CCSER1: variants seen among roughly 807,000 people sequenced by gnomAD.
CCSER1 encodes the protein serine-rich coiled-coil domain-containing protein 1.
CCSER1 carries 41 observed loss-of-function variants against 82.0 expected under a neutral mutation model. The observed-to-expected ratio is 0.50, with a 90% CI of 0.39 to 0.65. CCSER1 has a LOEUF of 0.65. CCSER1 is among the 30% of genes least tolerant of loss of function. CCSER1 has a pLI of 0.00. For synonymous variants in CCSER1, 414 were observed against 383.9 expected (o/e 1.08, Z -0.92); for missense variants, 1,119 against 1,064.2 (o/e 1.05, Z -0.72).
intron 3 of CCSER1, among the ~76,000 whole-genome samples, chr4:90,347,343 A>ATCTATCTG (rs1554009063): frequency 2.6e-5 from 4 of 151,944 alleles, no homozygotes; most frequent in African/African-American, 9.7e-5. Flanking sequence ...CTATCTATCT[A>ATCTATCTG]TCTATCTATA....
chr4:90,413,380 C>A (rs1311080848), intron 4 of CCSER1, among the ~76,000 whole-genome samples: 1 of 152,096 alleles, frequency 6.6e-6, no homozygotes, highest in Non-Finnish European at 1.5e-5. Context: ...CTGCTATAAG[C>A]AATCTACAAA....
intron 3 of CCSER1, among the ~76,000 whole-genome samples, chr4:90,351,060 CAA>C (rs1333240199): frequency 6.6e-6 from 1 of 152,004 alleles, no homozygotes; most frequent in East Asian, 1.9e-4. Flanking sequence ...GGAAAAATAA[CAA>C]GAGGGCACTA....
intron 10 of CCSER1, among the ~76,000 whole-genome samples, chr4:91,355,683 G>A (rs556423995): frequency 5.9e-5 from 9 of 152,142 alleles, no homozygotes; most frequent in South Asian, 2.1e-4. Context: ...CTGATGCATC[G>A]GCCATGCGTG....
intron 5 of CCSER1, among the ~76,000 whole-genome samples, chr4:90,536,226 G>T (rs1337223063): frequency 6.6e-6 from 1 of 151,902 alleles, no homozygotes; most frequent in East Asian, 1.9e-4. Flanking sequence ...TAGAGATGGG[G>T]TTTTGCCGTG....
Position 90,684,043 on chromosome 4 carries a change from G to T in CCSER1, c.1933-39871G>T, listed in dbSNP as rs76403563. On this transcript the variant is annotated intron_variant, in intron 6 of 10. Coordinates refer to ENST00000509176, the MANE Select transcript of CCSER1 (RefSeq NM_001145065.2). ...GTTTGTACTCTAGAGAATGCTCTGA[G>T]GTTGATTGAGTTGTGTTTTGAATTA... Among the ~76,000 whole-genome samples, 1,174 of 152,198 alleles carry T rather than the reference G, an allele frequency of 7.7e-3. 26 individuals carry two copies. The East Asian group carries it at 0.09, about 12-fold the overall frequency.
chr4:90,548,749 T>TATATATATATAC (rs950440676), intron 5 of CCSER1, among the ~76,000 whole-genome samples: 2 of 147,764 alleles, frequency 1.4e-5, no homozygotes, highest in African/African-American at 5.0e-5. Flanking sequence ...TATATATATA[T>TATATATATATAC]ACACACACAC....
chr4:91,423,695 T>A (rs1292610203), intron 10 of CCSER1, among the ~76,000 whole-genome samples: 1 of 152,146 alleles, frequency 6.6e-6, no homozygotes, highest in East Asian at 1.9e-4. Context: ...TCCCCCTATC[T>A]ACTTATCTTA....
At chr4:91,303,856 T>A (rs1348642095) in intron 10 of CCSER1, among the ~76,000 whole-genome samples, 2 of 151,704 alleles carry the variant, frequency 1.3e-5, no homozygotes, top group Non-Finnish European at 2.9e-5. Context: ...CAGGATAAAA[T>A]AAAAATTGTA....
chr4:91,174,593 C>A (rs138256304), intron 10 of CCSER1, among the ~76,000 whole-genome samples: 1,532 of 152,114 alleles, frequency 0.01, 12 homozygotes, highest in African/African-American at 0.025. Context: ...GGTATTTGGA[C>A]AAACATTTTT....
chr4:90,685,356 C>G (rs1276377579), intron 6 of CCSER1, among the ~76,000 whole-genome samples: 1 of 152,036 alleles, frequency 6.6e-6, no homozygotes, highest in Admixed American at 6.6e-5. Flanking sequence ...TTTCCTGTGA[C>G]CCTGGTAGAT....
intron 10 of CCSER1, among the ~76,000 whole-genome samples, chr4:91,123,091 C>T (rs149006363): frequency 1.0e-3 from 153 of 151,698 alleles, no homozygotes; most frequent in African/African-American, 3.4e-3. Flanking sequence ...CATGCTTGTT[C>T]AATGATACCT....
chr4:90,878,461 A>G (rs1298377293), intron 8 of CCSER1, among the ~76,000 whole-genome samples: 1 of 152,168 alleles, frequency 6.6e-6, no homozygotes, highest in Non-Finnish European at 1.5e-5. Flanking sequence ...CTTTTAGATT[A>G]ATAGGTCTTT....
chr4:91,252,108 C>A (rs1171961430), intron 10 of CCSER1, among the ~76,000 whole-genome samples: 1 of 152,018 alleles, frequency 6.6e-6, no homozygotes. Context: ...TATGTGGGAT[C>A]TTCAATAAAA....
At chr4:91,349,512 A>G (rs1256168450) in intron 10 of CCSER1, among the ~76,000 whole-genome samples, 2 of 152,150 alleles carry the variant, frequency 1.3e-5, no homozygotes, top group Non-Finnish European at 2.9e-5. Flanking sequence ...ATAGAAGTCA[A>G]TAACCCTTAA....
chr4:90,913,943 A>G (rs1726864787), intron 8 of CCSER1, among the ~76,000 whole-genome samples: 1 of 152,220 alleles, frequency 6.6e-6, no homozygotes, highest in African/African-American at 2.4e-5. Context: ...AGAAGAAGTA[A>G]TTATCCTAAA....
At chr4:90,824,597 C>T (rs1031297301) in intron 8 of CCSER1, among the ~76,000 whole-genome samples, 2 of 151,970 alleles carry the variant, frequency 1.3e-5, no homozygotes, top group Non-Finnish European at 2.9e-5. Flanking sequence ...AGAATAATTC[C>T]TGCATGATAA....
chr4:91,389,328 A>G (rs1034899244), intron 10 of CCSER1, among the ~76,000 whole-genome samples: 2 of 152,002 alleles, frequency 1.3e-5, no homozygotes, highest in Admixed American at 1.3e-4. Flanking sequence ...TTTGTTGAAA[A>G]GACTATCTTT....
intron 9 of CCSER1, among the ~76,000 whole-genome samples, chr4:90,967,610 A>C (rs1192290211): frequency 1.3e-5 from 2 of 152,150 alleles, no homozygotes; most frequent in Non-Finnish European, 2.9e-5. Flanking sequence ...TTTTATAAAA[A>C]AATAAATGAG....
intron 4 of CCSER1, among the ~76,000 whole-genome samples, chr4:90,405,774 G>A (rs1753619152): frequency 6.6e-6 from 1 of 152,040 alleles, no homozygotes; most frequent in Non-Finnish European, 1.5e-5. Context: ...CTTCATAAAT[G>A]AAGGAAAGAT....
Sources: allele counts gnomAD v4.1 joint callset (sites outside exome capture counted in the v4.1 genomes callset), GRCh38; gene constraint gnomAD v4.1.1; transcripts MANE v1.5; gene names NCBI Gene and HGNC (gene_info 2026-07-23, HGNC 2026-07-21).